Variants in GYG2 observed in about 807,000 individuals in gnomAD.
GYG2 encodes the protein glycogenin 2, also known as glycogenin-2.
In GYG2, 29 loss-of-function variants were observed where a neutral mutation model predicts 29.4. The observed-to-expected ratio is 0.99, with a 90% confidence interval of 0.74 to 1.35. The LOEUF is 1.35. Ranked by LOEUF, GYG2 falls within the 40% of genes most tolerant of loss-of-function variation. GYG2 has a pLI of 0.00. For synonymous variants in GYG2, 167 were observed against 172.3 expected (o/e 0.97, Z 0.24); for missense variants, 370 against 385.7 (o/e 0.96, Z 0.34).
Position 2,877,696 on chromosome X carries a change from C to T in GYG2, c.1251+389C>T, listed in dbSNP as rs187414776. 335 of 749,749 alleles carry T rather than the reference C, an allele frequency of 4.5e-4. No individual in the cohort carries two copies. The African/African-American group carries it at 6.4e-3, about 14-fold the overall frequency. The allele number at this position is 749,749 out of a possible 1,213,427, so 61.8% of individuals were successfully genotyped here. A position where few individuals can be genotyped will look rare whatever the true frequency, so the allele number is the denominator to read the frequency against. On this transcript the variant is annotated intron_variant, in intron 10 of 10. Coordinates refer to ENST00000398806, the MANE Select transcript of GYG2 (RefSeq NM_001079855.2). Reference sequence around the variant, plus strand: ...AATGTTCGAATCCAAATGGGGCATGCAAATAATTTCTTCTTTCAGGATGAA... The same window carrying T: ...AATGTTCGAATCCAAATGGGGCATGTAAATAATTTCTTCTTTCAGGATGAA...
chrX:2,877,178 TGATG>T lies in GYG2; in HGVS notation c.1144-19_1144-16del. 1 of 1,205,352 alleles carries T rather than the reference TGATG, an allele frequency of 8.3e-7. No individual in the cohort carries two copies. The highest frequency in any genetic ancestry group is 1.1e-6 in the Non-Finnish European group (1 of 890,507). ...TTCCCTGCAGCCCACCGCAGACTAA[TGATG>T]GAATGGTTATGTTTTAGCAGCCAGC... is the stretch of plus-strand genomic sequence containing the variant. On this transcript the variant is annotated intron_variant, in intron 9 of 10. Coordinates refer to ENST00000398806, the MANE Select transcript of GYG2 (RefSeq NM_001079855.2).
At chrX:2,848,522 A>G (rs2087797427) in intron 3 of GYG2, among the ~76,000 whole-genome samples, 2 of 93,212 alleles carry the variant, frequency 2.1e-5, no homozygotes, top group East Asian at 3.4e-4. Context: ...CTGGTGACAG[A>G]GCGAGACTCT....
At chrX:2,839,732 T>C (rs774281741) in intron 2 of GYG2, among the ~76,000 whole-genome samples, 43 of 111,804 alleles carry the variant, frequency 3.8e-4, no homozygotes, top group African/African-American at 1.4e-3. Context: ...ATTGTGTTCT[T>C]TACAATGGCG....
intron 9 of GYG2, among the ~76,000 whole-genome samples, chrX:2,876,777 G>A (rs1229361199): frequency 2.8e-5 from 3 of 109,007 alleles, no homozygotes; most frequent in Non-Finnish European, 3.8e-5. Flanking sequence ...TGAAACCCCC[G>A]TCTCTACTAA....
intron 8 of GYG2, among the ~76,000 whole-genome samples, chrX:2,868,567 C>T (rs73632950): frequency 9.1e-6 from 1 of 109,647 alleles, no homozygotes; most frequent in Non-Finnish European, 1.9e-5. Context: ...TCGGTGAATA[C>T]TGCGTCGGGG....
At chrX:2,862,423 G>A (rs187183406) in intron 8 of GYG2, among the ~76,000 whole-genome samples, 5 of 111,385 alleles carry the variant, frequency 4.5e-5, no homozygotes, top group Middle Eastern at 4.6e-3. Context: ...TCAGTCTCTC[G>A]CAGTTTACAG....
intron 3 of GYG2, among the ~76,000 whole-genome samples, chrX:2,847,533 C>CA (rs34368863): frequency 0.24 from 13,472 of 56,121 alleles, 1,455 homozygotes; most frequent in Middle Eastern, 0.3. Context: ...ACTAAAAGTA[C>CA]AAAAAAAAAA....
At chrX:2,841,325 A>G (rs2087494398) in intron 2 of GYG2, among the ~76,000 whole-genome samples, 2 of 108,454 alleles carry the variant, frequency 1.8e-5, no homozygotes, top group South Asian at 8.1e-4. Flanking sequence ...GGATAGATAG[A>G]TGATAGATAG....
intron 8 of GYG2, among the ~76,000 whole-genome samples, chrX:2,862,580 C>T (rs143332164): frequency 0.021 from 2,343 of 111,216 alleles, 58 homozygotes; most frequent in African/African-American, 0.073. Context: ...GAATTCCTGC[C>T]GGGGTTCAAT....
At chrX:2,859,753 C>G (rs2088111296) in intron 6 of GYG2, 90 bp from the exon 7 acceptor site, 1 of 535,933 alleles carries the variant, frequency 1.9e-6, no homozygotes, top group African/African-American at 2.3e-5. Flanking sequence ...CAGAGGCTGT[C>G]TTTGAGGAGC....
At position 2,882,310 on chromosome X, in the gene GYG2, A is replaced by G. The variant is rs1375387657; in HGVS notation, c.*1097A>G. The G allele has an allele frequency of 9.0e-6, 1 of 110,705 alleles. No individual in the cohort carries two copies. Among genetic ancestry groups the G allele is most frequent in the Non-Finnish European group, 1.9e-5 (1 of 53,010 alleles). The allele number at this position is 110,705 out of a possible 1,213,427, so 9.1% of individuals were successfully genotyped here. A position where few individuals can be genotyped will look rare whatever the true frequency, so the allele number is the denominator to read the frequency against. On this transcript the variant is annotated 3_prime_UTR_variant, in exon 11 of 11. Transcript: ENST00000398806. The stretch of plus-strand genomic sequence containing the variant: ...GAAATGTTTGGAAGGTTTATTTCTC[A>G]TGCACATTCCAGGGAAAAGCAGAGA...
At chrX:2,875,268 C>T (rs763353249) in intron 8 of GYG2, among the ~76,000 whole-genome samples, 10 of 111,138 alleles carry the variant, frequency 9.0e-5, no homozygotes, top group South Asian at 3.8e-4. Flanking sequence ...CTGTTGCTGA[C>T]GGCAGCCACT....
In GYG2 at chrX:2,854,868, G is replaced by T. The variant is rs890443172; in HGVS notation, c.325-125G>T. On this transcript the variant is annotated intron_variant, in intron 4 of 10. Transcript: ENST00000398806. ...GATCGCTTGAACCCGGGAGGCGGAG[G>T]CCGCAGTGAGCCGAGACTGAAGCAC... 1.1e-5 allele frequency: 8 copies of T among 719,362 alleles called. No individual in the cohort carries two copies. In the East Asian group the frequency reaches 2.8e-4, roughly 25 times the overall value. The allele number at this position is 719,362 out of a possible 1,213,427, so 59.3% of individuals were successfully genotyped here.
rs762393172 is a variant in GYG2, at chrX:2,849,535, A to T, written c.150-4445A>T. On this transcript the variant is annotated intron_variant, in intron 3 of 10. Transcript: ENST00000398806. ...GTGTTCCAGATATTGAGCAGAGTGG[A>T]TGAAGAAAGCTCAAATGTAGACACC... Among the ~76,000 whole-genome samples, 12 of 112,087 alleles carry T rather than the reference A, an allele frequency of 1.1e-4. No individual in the cohort carries two copies. In the South Asian group the frequency reaches 4.1e-3, roughly 38 times the overall value.
chrX:2,865,474 A>T (rs2088275012), intron 8 of GYG2, among the ~76,000 whole-genome samples: 1 of 111,914 alleles, frequency 8.9e-6, no homozygotes, highest in African/African-American at 3.2e-5. Context: ...ATTGTCGATG[A>T]GGTGGCAACT....
intron 8 of GYG2, among the ~76,000 whole-genome samples, chrX:2,868,173 G>A (rs1224529760): frequency 9.0e-6 from 1 of 110,755 alleles, no homozygotes; most frequent in Non-Finnish European, 1.9e-5. Context: ...CTGCAACACA[G>A]ATACGAAAAA....
At chrX:2,829,078 G>T (rs1229257051) in intron 1 of GYG2, 103 bp downstream of exon 1, 2 of 95,384 alleles carry the variant, frequency 2.1e-5, no homozygotes, top group African/African-American at 7.8e-5. Context: ...CGCCTAGGAG[G>T]TCTCGAGGGT....
At chrX:2,874,414 TA>T (rs762508963) in intron 8 of GYG2, among the ~76,000 whole-genome samples, 1 of 112,787 alleles carries the variant, frequency 8.9e-6, no homozygotes, top group Non-Finnish European at 1.9e-5. Flanking sequence ...GGCTTCATTT[TA>T]GATATTACTT....
intron 3 of GYG2, among the ~76,000 whole-genome samples, chrX:2,843,977 T>C (rs2087564370): frequency 8.9e-6 from 1 of 112,403 alleles, no homozygotes; most frequent in Non-Finnish European, 1.9e-5. Flanking sequence ...TTTATAATTC[T>C]CTTTGTCTTT....
Sources: allele counts gnomAD v4.1 joint callset (sites outside exome capture counted in the v4.1 genomes callset), GRCh38; gene constraint gnomAD v4.1.1; transcripts MANE v1.5; gene names NCBI Gene and HGNC (gene_info 2026-07-23, HGNC 2026-07-21).